Variants in SDK1 observed in about 807,000 individuals in gnomAD.
The protein encoded by SDK1 is protein sidekick-1.
SDK1 carries 157 observed loss-of-function variants against 245.5 expected under a neutral mutation model. The ratio of observed to expected loss-of-function variants is 0.64; its 90% CI spans 0.56 to 0.73. The LOEUF (loss-of-function observed/expected upper bound fraction) is 0.73. SDK1 is among the 30% of genes least tolerant of loss of function. The pLI, the probability that SDK1 is intolerant of heterozygous loss-of-function variation, is 0.00. For missense variants in SDK1, 3,583 were observed against 3,002.3 expected, an observed-to-expected ratio of 1.19 and a Z score of -4.52; for synonymous variants, 1,647 against 1,278.5, an observed-to-expected ratio of 1.29 and a Z score of -6.15.
chr7:4,263,364 G>A (rs548406997), intron 44 of SDK1, among the ~76,000 whole-genome samples: 40 of 151,452 alleles, frequency 2.6e-4, no homozygotes, highest in Non-Finnish European at 5.6e-4. Context: ...TGGGGAGGCT[G>A]CGTAGACCTC....
At chr7:3,462,518 T>G (rs1197364915) in intron 1 of SDK1, among the ~76,000 whole-genome samples, 2 of 152,192 alleles carry the variant, frequency 1.3e-5, no homozygotes, top group East Asian at 1.9e-4. Flanking sequence ...ATTCAAAAAT[T>G]TATCTGAGCT....
chr7:3,317,768 T>G (rs1779699594), intron 1 of SDK1, among the ~76,000 whole-genome samples: 1 of 152,234 alleles, frequency 6.6e-6, no homozygotes, highest in Non-Finnish European at 1.5e-5. Context: ...CTCAAAAGGA[T>G]GCTTGATTAA....
intron 4 of SDK1, among the ~76,000 whole-genome samples, chr7:3,814,006 A>G (rs2115051015): frequency 8.5e-6 from 1 of 117,890 alleles, no homozygotes; most frequent in African/African-American, 3.6e-5. Context: ...TAGATTCTGG[A>G]TATTAGCCCT....
At chr7:3,632,316 T>G (rs189102155) in intron 2 of SDK1, among the ~76,000 whole-genome samples, 3 of 152,212 alleles carry the variant, frequency 2.0e-5, no homozygotes, top group African/African-American at 7.2e-5. Context: ...ATTGTTTATT[T>G]TAGAGAAAAT....
chr7:4,054,784 C>T (rs1779100114), intron 19 of SDK1, among the ~76,000 whole-genome samples: 1 of 151,968 alleles, frequency 6.6e-6, no homozygotes, highest in Admixed American at 6.6e-5. Flanking sequence ...CTCACTATTG[C>T]TAATTGGTTC....
At chr7:3,705,490 T>TGTAAAAGGG (rs1784860525) in intron 4 of SDK1, among the ~76,000 whole-genome samples, 2 of 143,544 alleles carry the variant, frequency 1.4e-5, no homozygotes, top group African/African-American at 5.7e-5. Flanking sequence ...TATTTTATTT[T>TGTAAAAGGG]ATTTTTTATT....
At chr7:4,199,046 T>C (rs919779265) in intron 35 of SDK1, among the ~76,000 whole-genome samples, 3 of 152,046 alleles carry the variant, frequency 2.0e-5, no homozygotes, top group Non-Finnish European at 4.4e-5. Flanking sequence ...ACCTCCTGAC[T>C]TCAGGTGATC....
intron 8 of SDK1, among the ~76,000 whole-genome samples, chr7:3,961,869 A>G (rs1781709399): frequency 6.6e-6 from 1 of 152,204 alleles, no homozygotes; most frequent in Non-Finnish European, 1.5e-5. Context: ...ACACAGACAC[A>G]CATAGAAACA....
chr7:3,914,997 C>G (rs552557042), intron 5 of SDK1, among the ~76,000 whole-genome samples: 5 of 152,142 alleles, frequency 3.3e-5, no homozygotes, highest in African/African-American at 7.2e-5. Flanking sequence ...CAGAATCATG[C>G]GCCATCCTTC....
At chr7:4,001,988 C>A (rs550866885) in intron 14 of SDK1, among the ~76,000 whole-genome samples, 1 of 152,236 alleles carries the variant, frequency 6.6e-6, no homozygotes, top group African/African-American at 2.4e-5. Context: ...TGGGGGCCCT[C>A]GCAGTCCCCT....
intron 4 of SDK1, among the ~76,000 whole-genome samples, chr7:3,654,694 G>A (rs1227797085): frequency 6.6e-6 from 1 of 152,194 alleles, no homozygotes; most frequent in Admixed American, 6.5e-5. Flanking sequence ...ATAGAGAAAC[G>A]TTTCTGTGCC....
chr7:4,143,994 C>T (rs966614543), intron 28 of SDK1, among the ~76,000 whole-genome samples: 3 of 152,176 alleles, frequency 2.0e-5, no homozygotes, highest in Non-Finnish European at 4.4e-5. Context: ...CCAGGAGCCC[C>T]GAAGCCTCAG....
intron 2 of SDK1, among the ~76,000 whole-genome samples, chr7:3,633,998 C>G (rs899932240): frequency 6.6e-6 from 1 of 152,140 alleles, no homozygotes; most frequent in African/African-American, 2.4e-5. Flanking sequence ...ACCACCGCTG[C>G]TGTCAGATGA....
Position 4,112,937 on chromosome 7 carries a change from A to G in SDK1, c.3435-352A>G, listed in dbSNP as rs574045378. Among the ~76,000 whole-genome samples, 148 of 152,082 alleles carry G rather than the reference A, an allele frequency of 9.7e-4. 1 individual carries two copies. Among genetic ancestry groups the G allele is most frequent in the South Asian group, 8.7e-3 (42 of 4,808 alleles). ...CCTGGCTAATTTTTGTATTTTTAGT[A>G]GAGACGAGATTTCGCCATGTTGGCC... is the stretch of plus-strand genomic sequence containing the variant. On this transcript the variant is annotated intron_variant, in intron 23 of 44. Coordinates refer to ENST00000404826, the MANE Select transcript of SDK1 (RefSeq NM_152744.4).
intron 1 of SDK1, among the ~76,000 whole-genome samples, chr7:3,580,042 A>G (rs1037259259): frequency 2.6e-5 from 4 of 152,200 alleles, no homozygotes; most frequent in African/African-American, 4.8e-5. Context: ...CCCATTCTCA[A>G]TAGCCACAAA....
At chr7:3,839,483 G>C (rs972581955) in intron 5 of SDK1, among the ~76,000 whole-genome samples, 2 of 152,218 alleles carry the variant, frequency 1.3e-5, no homozygotes, top group African/African-American at 4.8e-5. Flanking sequence ...GAATGCTGTC[G>C]AGGAATTGGG....
chr7:3,606,729 A>T (rs1781437304), intron 1 of SDK1, among the ~76,000 whole-genome samples: 1 of 152,088 alleles, frequency 6.6e-6, no homozygotes, highest in Non-Finnish European at 1.5e-5. Context: ...CCTTGTTGAA[A>T]ATTGCCACTT....
chr7:4,130,455 G>A (rs886278410), intron 27 of SDK1: 7 of 243,482 alleles, frequency 2.9e-5, no homozygotes, highest in Non-Finnish European at 5.5e-5. Flanking sequence ...CCCTTATCTG[G>A]CAACACATCC....
At chr7:3,618,256 A>T (rs1042856532) in intron 1 of SDK1, among the ~76,000 whole-genome samples, 9 of 152,268 alleles carry the variant, frequency 5.9e-5, no homozygotes, top group Non-Finnish European at 1.2e-4. Flanking sequence ...ATCAGGAAAT[A>T]AATTTTGACC....
Sources: gnomAD v4.1 joint callset for allele counts (sites outside exome capture counted in the v4.1 genomes callset) on GRCh38, gnomAD v4.1.1 for gene constraint, MANE v1.5 for transcripts, NCBI Gene and HGNC (gene_info 2026-07-23, HGNC 2026-07-21) for gene names.